The following RAB3GAP2 variants were observed in gnomAD, a reference collection of about 807,000 sequenced individuals.
The protein encoded by RAB3GAP2 is rab3 GTPase-activating protein non-catalytic subunit.
RAB3GAP2 carries 87 observed loss-of-function variants against 185.3 expected under a neutral mutation model. The observed-to-expected ratio is 0.47, with a 90% CI of 0.39 to 0.56. RAB3GAP2 has a LOEUF of 0.56. Ranked by LOEUF, RAB3GAP2 falls within the 20% of genes least tolerant of loss-of-function variation. RAB3GAP2 has a pLI of 0.00. For synonymous variants in RAB3GAP2, 554 were observed against 576.1 expected, an observed-to-expected ratio of 0.96 and a Z score of 0.55; for missense variants, 1,492 against 1,638.2, an observed-to-expected ratio of 0.91 and a Z score of 1.54.
intron 9 of RAB3GAP2, among the ~76,000 whole-genome samples, chr1:220,199,089 G>A (rs189009575): frequency 1.3e-5 from 2 of 152,246 alleles, no homozygotes; most frequent in Admixed American, 1.3e-4. Context: ...AGGAGACAGT[G>A]TCAGAGGTAC....
At chr1:220,191,452 AC>A (rs1658618716) in intron 13 of RAB3GAP2, among the ~76,000 whole-genome samples, 168 bp from the exon 14 acceptor site, 2 of 152,110 alleles carry the variant, frequency 1.3e-5, no homozygotes, top group Admixed American at 6.6e-5. Context: ...ATAAATAATA[AC>A]CAGTCTATCA....
chr1:220,155,512 A>G (rs1490414149), intron 31 of RAB3GAP2, among the ~76,000 whole-genome samples: 1 of 152,220 alleles, frequency 6.6e-6, no homozygotes, highest in Non-Finnish European at 1.5e-5. Context: ...GGTCCTAGCT[A>G]TAGCATCTAT....
In RAB3GAP2 at chr1:220,149,573, T is replaced by TAAC. The variant is rs1234179863; in HGVS notation, c.*1675_*1677dup. 1.1e-4 allele frequency: 17 copies of TAAC among 152,168 alleles called. No homozygotes were observed. Among genetic ancestry groups the TAAC allele is most frequent in the African/African-American group, 4.1e-4 (17 of 41,432 alleles). The allele number at this position is 152,168 out of a possible 1,614,324, so 9.4% of individuals were successfully genotyped here. On this transcript the variant is annotated 3_prime_UTR_variant, in exon 35 of 35. Transcript: ENST00000358951. ...TAGAAAACATATAACAAGTGACTGT[T>TAAC]AACACAGAGCCAGATATGTTTACAA...
chr1:220,256,295 C>T (rs559407477), intron 1 of RAB3GAP2, among the ~76,000 whole-genome samples: 9 of 152,270 alleles, frequency 5.9e-5, no homozygotes, highest in South Asian at 2.1e-4. Context: ...CCAACAACTA[C>T]GAAAACACAG....
intron 24 of RAB3GAP2, 134 bp downstream of exon 24, chr1:220,170,758 A>T: frequency 1.3e-6 from 1 of 762,436 alleles, no homozygotes; most frequent in Non-Finnish European, 2.2e-6. Flanking sequence ...ATTTAAAGGT[A>T]GTATATAGAA....
chr1:220,167,260 G>A lies in RAB3GAP2; in HGVS notation c.3087+33C>T, dbSNP rs751341663. 7.0e-6 allele frequency: 11 copies of A among 1,562,698 alleles called. No homozygotes were observed. The African/African-American group carries it at 1.2e-4, about 17-fold the overall frequency. On this transcript the variant is annotated intron_variant, in intron 26 of 34. Transcript: ENST00000358951. ...TATGAATAGCATGAACACAGAAGCA[G>A]AAATAACATGAAAGAGGTAACGAGA...
At chr1:220,259,774 G>A (rs1660100655) in intron 1 of RAB3GAP2, among the ~76,000 whole-genome samples, 1 of 152,164 alleles carries the variant, frequency 6.6e-6, no homozygotes, top group African/African-American at 2.4e-5. Flanking sequence ...CTTCTGCACA[G>A]CAAAAGAAAC....
Position 220,157,291 on chromosome 1 carries a change from T to A in RAB3GAP2, c.3534A>T (p.Pro1178=), listed in dbSNP as rs755870255. 4 of 1,613,898 alleles carry A rather than the reference T, an allele frequency of 2.5e-6. No individual in the cohort carries two copies. Among genetic ancestry groups the A allele is most frequent in the Non-Finnish European group, 3.4e-6 (4 of 1,179,922 alleles). The part of the protein sequence containing the change: ...VMRFSLKTVK[P]LSLFDSKGKN... ...TTACCTTACTGTCAAAAAGTGAAAG[T>A]GGCTTCACGGTCTTCAGAGAAAACC... is the stretch of plus-strand genomic sequence containing the variant. The change falls in exon 31 of 35, where the codon CCA becomes CCT. Residue 1178 remains proline (P), a synonymous_variant. Transcript: ENST00000358951.
chr1:220,185,500 T>G, intron 18 of RAB3GAP2, 151 bp downstream of exon 18: 2 of 604,662 alleles, frequency 3.3e-6, no homozygotes, highest in Non-Finnish European at 2.9e-6. Context: ...ATATATTAAA[T>G]AGGGAATAAA....
chr1:220,267,603 G>A, intron 1 of RAB3GAP2: 1 of 1,363,556 alleles, frequency 7.3e-7, no homozygotes, highest in South Asian at 1.2e-5. Context: ...ATTTTCAGGT[G>A]CCGACAGCGG....
chr1:220,266,342 T>G, intron 1 of RAB3GAP2: 1 of 379,682 alleles, frequency 2.6e-6, no homozygotes, highest in Non-Finnish European at 5.0e-6. Context: ...GGACAGCTCC[T>G]TAACCGATCG....
Position 220,151,642 on chromosome 1 carries a change from T to C in RAB3GAP2, c.3990A>G (p.Arg1330=). 1 of 1,612,368 alleles carries C rather than the reference T, an allele frequency of 6.2e-7. No homozygotes were observed. Among genetic ancestry groups the C allele is most frequent in the Non-Finnish European group, 8.5e-7 (1 of 1,178,390 alleles). ...QTKEGMELLA[R]LPPTLCTWLK... ...GCCAAGTACACAGTGTGGGTGGAAG[T>C]CTGGCAAGCAGCTCCATTCCTTCTT... Residue 1330 remains arginine, a synonymous_variant, in exon 34 of 35, where the codon AGA becomes AGG. Coordinates refer to ENST00000358951, the MANE Select transcript of RAB3GAP2 (RefSeq NM_012414.4).
intron 9 of RAB3GAP2, among the ~76,000 whole-genome samples, chr1:220,197,971 G>C (rs1460297235): frequency 6.6e-6 from 1 of 151,930 alleles, no homozygotes; most frequent in African/African-American, 2.4e-5. Flanking sequence ...CCACCTCCTA[G>C]CTTTCCATCT....
At chr1:220,163,838 A>G (rs1422955369) in intron 27 of RAB3GAP2, among the ~76,000 whole-genome samples, 1 of 149,966 alleles carries the variant, frequency 6.7e-6, no homozygotes, top group African/African-American at 2.4e-5. Flanking sequence ...AAAATGGGAT[A>G]TTTTACAATT....
chr1:220,154,123 T>C, intron 31 of RAB3GAP2, 66 bp from the exon 32 acceptor site: 1 of 1,594,420 alleles, frequency 6.3e-7, no homozygotes, highest in Non-Finnish European at 8.5e-7. Flanking sequence ...GGAGAAAGAT[T>C]TGTTTAAAAC....
intron 17 of RAB3GAP2, 81 bp downstream of exon 17, chr1:220,189,622 G>C (rs940234097): frequency 7.3e-7 from 1 of 1,362,532 alleles, no homozygotes; most frequent in African/African-American, 1.5e-5. Flanking sequence ...CATGTTTGGG[G>C]GAAATAGGAA....
At chr1:220,243,198 C>CA (rs1157363396) in intron 1 of RAB3GAP2, among the ~76,000 whole-genome samples, 1 of 151,674 alleles carries the variant, frequency 6.6e-6, no homozygotes, top group Non-Finnish European at 1.5e-5. Flanking sequence ...ACTAAAAATA[C>CA]AAAAAATTAG....
Position 220,193,322 on chromosome 1 carries a change from G to A in RAB3GAP2, c.1188C>T (p.Asn396=), listed in dbSNP as rs1299882290. Residue 396 remains asparagine, a synonymous_variant, in exon 13 of 35, where the codon AAC becomes AAT. Transcript: ENST00000358951. ...AATCATCTGTTACTGCTGCCAGTGT[G>A]TTACATGGAGACAGACATATGCTTT... The part of the protein sequence containing the change: ...HGESICLSPC[N]TLAAVTDDFG... The A allele has an allele frequency of 1.2e-6, 2 of 1,613,826 alleles. No individual in the cohort carries two copies. The highest frequency in any genetic ancestry group is 1.7e-6 in the Non-Finnish European group (2 of 1,179,908).
intron 2 of RAB3GAP2, among the ~76,000 whole-genome samples, chr1:220,216,332 C>G (rs1418003715): frequency 6.6e-6 from 1 of 152,102 alleles, no homozygotes; most frequent in Admixed American, 6.6e-5. Flanking sequence ...TGTTTTTCTA[C>G]AGATAAATTA....
Sources: gnomAD v4.1 joint callset for allele counts (sites outside exome capture counted in the v4.1 genomes callset) on GRCh38, gnomAD v4.1.1 for gene constraint, MANE v1.5 for transcripts, NCBI Gene and HGNC (gene_info 2026-07-23, HGNC 2026-07-21) for gene names.